The following NLGN1 variants were observed in gnomAD, a reference collection of about 807,000 sequenced individuals.
NLGN1 encodes the protein neuroligin 1, also known as neuroligin-1.
In NLGN1, 12 loss-of-function variants were observed where a neutral mutation model predicts 65.5. That is an observed-to-expected ratio of 0.18 (90% confidence interval 0.12 to 0.30). The LOEUF (loss-of-function observed/expected upper bound fraction) is 0.30. Ranked by LOEUF, NLGN1 falls within the 10% of genes least tolerant of loss-of-function variation. The probability of loss-of-function intolerance (pLI) is 1.00; values close to 1 mark genes in which losing one functional copy is unlikely to be tolerated. For missense variants in NLGN1, 750 were observed against 1,007.1 expected, an observed-to-expected ratio of 0.74 and a Z score of 3.46; for synonymous variants, 350 against 359.5, an observed-to-expected ratio of 0.97 and a Z score of 0.30.
At chr3:173,740,875 CAAA>C (rs1201728407) in intron 3 of NLGN1, among the ~76,000 whole-genome samples, 1 of 151,984 alleles carries the variant, frequency 6.6e-6, no homozygotes, top group Admixed American at 6.6e-5. Flanking sequence ...CTAGCACTGA[CAAA>C]GAAGGACCAA....
chr3:173,900,415 G>A (rs1205897486), intron 4 of NLGN1, among the ~76,000 whole-genome samples: 1 of 151,970 alleles, frequency 6.6e-6, no homozygotes, highest in African/African-American at 2.4e-5. Context: ...CTAACCAGAG[G>A]AAAAGAAAGT....
chr3:173,741,013 C>T lies in NLGN1; in HGVS notation c.494-66667C>T, dbSNP rs1432625851. 4.6e-5 allele frequency among the ~76,000 whole-genome samples: 7 copies of T among 152,040 alleles called. No individual in the cohort carries two copies. The East Asian group carries it at 5.8e-4, about 13-fold the overall frequency. ...AGTATTATTAGCATACAAAATTAAG[C>T]GTTTATGAAAACTCTTAGCATATAG... On this transcript the variant is annotated intron_variant, in intron 3 of 6. Transcript: ENST00000457714.
chr3:173,868,009 G>T (rs1730513377), intron 4 of NLGN1, among the ~76,000 whole-genome samples: 1 of 152,128 alleles, frequency 6.6e-6, no homozygotes, highest in Admixed American at 6.6e-5. Context: ...TAAGAAAATA[G>T]CCCAGATCCT....
At chr3:174,081,729 G>A (rs554462475) in intron 4 of NLGN1, among the ~76,000 whole-genome samples, 29 of 151,154 alleles carry the variant, frequency 1.9e-4, no homozygotes, top group Admixed American at 7.3e-4. Flanking sequence ...GTGCCACCAC[G>A]TCCAGCTAAT....
At chr3:174,049,516 G>A (rs1026990734) in intron 4 of NLGN1, among the ~76,000 whole-genome samples, 1 of 151,984 alleles carries the variant, frequency 6.6e-6, no homozygotes, top group East Asian at 1.9e-4. Context: ...AAGATCCAGA[G>A]GGCTAGCAGA....
At chr3:173,859,468 ACCCCGATG>A (rs1159714927) in intron 4 of NLGN1, among the ~76,000 whole-genome samples, 1 of 152,026 alleles carries the variant, frequency 6.6e-6, no homozygotes, top group African/African-American at 2.4e-5. Flanking sequence ...TTCAGAGAGA[ACCCCGATG>A]CCTGTAAGAA....
At chr3:173,950,553 C>T (rs188933766) in intron 4 of NLGN1, among the ~76,000 whole-genome samples, 1 of 152,192 alleles carries the variant, frequency 6.6e-6, no homozygotes, top group African/African-American at 2.4e-5. Flanking sequence ...TGGCTCATGC[C>T]TGTAATCCGA....
chr3:173,842,560 G>A (rs1342212274), intron 4 of NLGN1, among the ~76,000 whole-genome samples: 2 of 152,136 alleles, frequency 1.3e-5, no homozygotes, highest in Admixed American at 1.3e-4. Context: ...GGAGAAATTG[G>A]CCAAAACAAA....
chr3:173,477,320 C>A (rs1383340003), intron 2 of NLGN1, among the ~76,000 whole-genome samples: 1 of 152,000 alleles, frequency 6.6e-6, no homozygotes, highest in African/African-American at 2.4e-5. Flanking sequence ...GCGGGAGGAT[C>A]CCTTGAGGCC....
At chr3:174,188,206 C>A (rs1334684037) in intron 4 of NLGN1, among the ~76,000 whole-genome samples, 1 of 151,918 alleles carries the variant, frequency 6.6e-6, no homozygotes, top group African/African-American at 2.4e-5. Context: ...ACACTTTATA[C>A]CCTTCTAAAA....
At chr3:173,737,942 G>A (rs1196637294) in intron 3 of NLGN1, among the ~76,000 whole-genome samples, 8 of 151,920 alleles carry the variant, frequency 5.3e-5, no homozygotes, top group Non-Finnish European at 1.2e-4. Context: ...TTTATTATGG[G>A]CACTTAATGA....
intron 4 of NLGN1, among the ~76,000 whole-genome samples, chr3:174,110,382 G>A (rs753557152): frequency 1.3e-4 from 19 of 151,874 alleles, no homozygotes; most frequent in African/African-American, 3.6e-4. Context: ...GGGGATGTTC[G>A]TTGTATTTTT....
intron 4 of NLGN1, among the ~76,000 whole-genome samples, chr3:173,863,017 C>G (rs116232842): frequency 0.011 from 1,734 of 152,014 alleles, 31 homozygotes; most frequent in African/African-American, 0.04. Flanking sequence ...AGTAGTTGTG[C>G]TAAAATATGT....
intron 4 of NLGN1, among the ~76,000 whole-genome samples, chr3:174,223,433 G>A (rs985524652): frequency 6.6e-6 from 1 of 152,054 alleles, no homozygotes; most frequent in African/African-American, 2.4e-5. Flanking sequence ...ATTTCAGTAC[G>A]CCTTTTTCAT....
rs1037138806 is a variant in NLGN1, at chr3:174,193,879, G to C, written c.647-81436G>C. ...CATTACAAATTCTTCTCTGACATTT[G>C]TAAAACATTTTCTATTTGTTTTACA... On this transcript the variant is annotated intron_variant, in intron 4 of 6. Coordinates refer to ENST00000457714, the Ensembl canonical transcript of NLGN1. 2.6e-5 allele frequency among the ~76,000 whole-genome samples: 4 copies of C among 151,776 alleles called. No individual in the cohort carries two copies. The South Asian group carries it at 6.3e-4, about 24-fold the overall frequency.
chr3:174,096,167 G>A (rs1197799461), intron 4 of NLGN1, among the ~76,000 whole-genome samples: 1 of 150,468 alleles, frequency 6.6e-6, no homozygotes, highest in Non-Finnish European at 1.5e-5. Flanking sequence ...TGGAATTAAT[G>A]TGATATGTGT....
intron 3 of NLGN1, among the ~76,000 whole-genome samples, chr3:173,614,913 A>C (rs1752833192): frequency 6.6e-6 from 1 of 152,184 alleles, no homozygotes; most frequent in Admixed American, 6.5e-5. Flanking sequence ...GAATAACTTC[A>C]TTTCAGTGAA....
chr3:174,271,099 C>T (rs921516630), intron 4 of NLGN1, among the ~76,000 whole-genome samples: 2 of 151,794 alleles, frequency 1.3e-5, no homozygotes, highest in Admixed American at 6.6e-5. Flanking sequence ...AATTTCTTTT[C>T]TACCTTATAG....
intron 4 of NLGN1, among the ~76,000 whole-genome samples, chr3:173,881,614 G>A (rs1483801472): frequency 1.3e-5 from 2 of 151,358 alleles, no homozygotes; most frequent in African/African-American, 2.4e-5. Flanking sequence ...TTTTAGTAGA[G>A]ACGGGGTTTC....
Sources: gnomAD v4.1 joint callset for allele counts (sites outside exome capture counted in the v4.1 genomes callset) on GRCh38, gnomAD v4.1.1 for gene constraint, MANE v1.5 for transcripts, NCBI Gene and HGNC (gene_info 2026-07-23, HGNC 2026-07-21) for gene names.